Variants in PPM1E observed in about 807,000 individuals in gnomAD.
The protein encoded by PPM1E is protein phosphatase, Mg2+/Mn2+ dependent 1E, also known as protein phosphatase 1E.
A neutral mutation model predicts 65.9 loss-of-function variants in PPM1E; 20 were observed. The observed-to-expected ratio is 0.30, with a 90% CI of 0.21 to 0.44. The LOEUF (loss-of-function observed/expected upper bound fraction) is 0.44. Among genes scored for constraint, PPM1E ranks in the 20% least tolerant of loss-of-function variants. The pLI is 1.00. For missense variants in PPM1E, 713 were observed against 953.1 expected (o/e 0.75, Z 3.32); for synonymous variants, 352 against 374.9 (o/e 0.94, Z 0.70).
rs144328670 is a variant in PPM1E, at chr17:58,980,596, A to T, written c.1833A>T (p.Lys611Asn). The T allele has an allele frequency of 1.5e-5, 24 of 1,614,212 alleles. No individual in the cohort carries two copies. The South Asian group carries it at 2.0e-4, about 13-fold the overall frequency. The change falls in exon 7 of 7, where the codon AAA becomes AAT. Residue 611 changes from lysine to asparagine, a missense_variant. Coordinates refer to ENST00000308249, the MANE Select transcript of PPM1E (RefSeq NM_014906.5). The surrounding 1 kb of genome is among the most constrained non-coding windows in gnomAD (Gnocchi z 4.7). ...NLINELMMEK[K>N]SVQSSLPEWS... ...TTAATGAGTTAATGATGGAGAAAAA[A>T]TCAGTTCAGTCATCATTGCCTGAAT...
intron 1 of PPM1E, among the ~76,000 whole-genome samples, chr17:58,776,530 A>G (rs962179104): frequency 1.3e-5 from 2 of 152,186 alleles, no homozygotes; most frequent in African/African-American, 4.8e-5. Context: ...ACAAAAATGC[A>G]TTTTTAAATT....
chr17:58,770,393 G>T (rs981885948), intron 1 of PPM1E, among the ~76,000 whole-genome samples: 1 of 151,986 alleles, frequency 6.6e-6, no homozygotes, highest in African/African-American at 2.4e-5. Flanking sequence ...GGGCATGCTG[G>T]CATACTCCTT....
intron 1 of PPM1E, among the ~76,000 whole-genome samples, chr17:58,765,316 T>A (rs1485804527): frequency 6.6e-6 from 1 of 151,960 alleles, no homozygotes; most frequent in Non-Finnish European, 1.5e-5. Context: ...TAGCTGGGAT[T>A]ACAGGCACGC....
chr17:58,865,340 C>T (rs1394412031), intron 1 of PPM1E, among the ~76,000 whole-genome samples: 13 of 150,890 alleles, frequency 8.6e-5, no homozygotes, highest in Non-Finnish European at 1.6e-4. Context: ...TGAGCAAGAT[C>T]GTGCCACTGC....
chr17:58,835,321 G>A (rs993200196), intron 1 of PPM1E, among the ~76,000 whole-genome samples: 2 of 152,100 alleles, frequency 1.3e-5, no homozygotes, highest in South Asian at 2.1e-4. Context: ...CTTCAGCCTC[G>A]GTGACAGAGC....
At chr17:58,844,534 G>T (rs1017046259) in intron 1 of PPM1E, among the ~76,000 whole-genome samples, 3 of 152,128 alleles carry the variant, frequency 2.0e-5, no homozygotes, top group African/African-American at 7.2e-5. Context: ...AGTTTGTAAA[G>T]AAATAGTGAC....
chr17:58,799,617 T>C (rs2050240330), intron 1 of PPM1E, among the ~76,000 whole-genome samples: 1 of 152,214 alleles, frequency 6.6e-6, no homozygotes, highest in African/African-American at 2.4e-5. Flanking sequence ...TACATTTTTG[T>C]ATTTTTTGTA....
intron 1 of PPM1E, among the ~76,000 whole-genome samples, chr17:58,826,242 A>T (rs1350248325): frequency 1.3e-5 from 2 of 150,500 alleles, no homozygotes; most frequent in Admixed American, 1.3e-4. Context: ...GGTTGCAGTG[A>T]GCCGAGATGG....
At chr17:58,828,431 G>T (rs1027416583) in intron 1 of PPM1E, among the ~76,000 whole-genome samples, 2 of 151,620 alleles carry the variant, frequency 1.3e-5, no homozygotes, top group African/African-American at 4.8e-5. Flanking sequence ...AACCACAATG[G>T]CAAAGGAAGC....
At chr17:58,800,593 T>C (rs1336036698) in intron 1 of PPM1E, among the ~76,000 whole-genome samples, 1 of 152,188 alleles carries the variant, frequency 6.6e-6, no homozygotes, top group African/African-American at 2.4e-5. Context: ...AGTCAATTTC[T>C]CTGATAGACA....
At chr17:58,832,816 T>C (rs2050618354) in intron 1 of PPM1E, among the ~76,000 whole-genome samples, 1 of 151,582 alleles carries the variant, frequency 6.6e-6, no homozygotes. Context: ...AGGTTTTTGT[T>C]TGTTTGTTTG....
chr17:58,915,389 T>C (rs2051672893), intron 1 of PPM1E, among the ~76,000 whole-genome samples: 1 of 152,186 alleles, frequency 6.6e-6, no homozygotes, highest in African/African-American at 2.4e-5. Context: ...GTTGCAATCT[T>C]GGTTTTGGTG....
chr17:58,874,381 C>T (rs1242753286), intron 1 of PPM1E, among the ~76,000 whole-genome samples: 1 of 152,102 alleles, frequency 6.6e-6, no homozygotes, highest in Non-Finnish European at 1.5e-5. Context: ...ATTTATATAT[C>T]TTCTAATCTC....
chr17:58,853,858 G>A (rs2050854429), intron 1 of PPM1E, among the ~76,000 whole-genome samples: 1 of 151,994 alleles, frequency 6.6e-6, no homozygotes, highest in African/African-American at 2.4e-5. Context: ...TGTGAAGTGT[G>A]AATCCTCCAG....
chr17:58,803,852 T>G (rs1407477591), intron 1 of PPM1E, among the ~76,000 whole-genome samples: 3 of 152,252 alleles, frequency 2.0e-5, no homozygotes, highest in Non-Finnish European at 2.9e-5. Context: ...CTTGCCATTA[T>G]GTTCAGAAGT....
chr17:58,871,022 T>C (rs1433368429), intron 1 of PPM1E, among the ~76,000 whole-genome samples: 1 of 152,130 alleles, frequency 6.6e-6, no homozygotes, highest in African/African-American at 2.4e-5. Context: ...TGATCAGCTG[T>C]TATGTGTGTT....
chr17:58,964,490 A>G (rs1598683561), intron 2 of PPM1E, among the ~76,000 whole-genome samples: 1 of 151,324 alleles, frequency 6.6e-6, no homozygotes, highest in East Asian at 1.9e-4. Context: ...TCTACCCAAT[A>G]GGTGAAGCGG....
intron 1 of PPM1E, among the ~76,000 whole-genome samples, chr17:58,949,242 A>G (rs1465403411): frequency 1.3e-5 from 2 of 152,174 alleles, no homozygotes; most frequent in African/African-American, 2.4e-5. Context: ...TAATTACTAT[A>G]TAATGTCCTT....
chr17:58,946,136 G>T (rs1280094258), intron 1 of PPM1E, among the ~76,000 whole-genome samples: 2 of 151,726 alleles, frequency 1.3e-5, no homozygotes, highest in Admixed American at 1.3e-4. Flanking sequence ...AGACCAAAAG[G>T]CACTCATAGA....
Sources: allele counts gnomAD v4.1 joint callset (sites outside exome capture counted in the v4.1 genomes callset), GRCh38; gene constraint gnomAD v4.1.1; non-coding constraint Gnocchi (gnomAD v3.1); transcripts MANE v1.5; gene names NCBI Gene and HGNC (gene_info 2026-07-23, HGNC 2026-07-21).